HYCC1: variants seen among roughly 807,000 people sequenced by gnomAD.
HYCC1 encodes the protein hyccin PI4KA lipid kinase complex subunit 1.
chr7:22,921,807 T>C, the HYCC1 span, among the ~76,000 whole-genome samples: 2 of 152,190 alleles, frequency 1.3e-5, no homozygotes, highest in African/African-American at 2.4e-5. Context: ...TCACATTCAA[T>C]TGAGAAACCT....
At chr7:22,950,827 T>A in the HYCC1 span, among the ~76,000 whole-genome samples, 1 of 151,734 alleles carries the variant, frequency 6.6e-6, no homozygotes, top group African/African-American at 2.4e-5. Flanking sequence ...CATAATAAAA[T>A]AGATTTTGTT....
chr7:22,977,363 G>A, the HYCC1 span: 1 of 1,595,280 alleles, frequency 6.3e-7, no homozygotes, highest in Non-Finnish European at 8.6e-7. Flanking sequence ...AGATGGTTTG[G>A]ATAAAGATGG....
the HYCC1 span, among the ~76,000 whole-genome samples, chr7:23,004,441 A>G: frequency 2.0e-5 from 3 of 152,230 alleles, no homozygotes; most frequent in Non-Finnish European, 2.9e-5. Context: ...CATGGAGAGC[A>G]TCTGCTTTAA....
At chr7:22,943,083 T>C in the HYCC1 span, 1 of 152,150 alleles carries the variant, frequency 6.6e-6, no homozygotes, top group Non-Finnish European at 1.5e-5. Context: ...CTTTTCACAC[T>C]TAAAATTTCA....
the HYCC1 span, chr7:22,941,186 C>A: frequency 6.6e-6 from 1 of 152,220 alleles, no homozygotes; most frequent in South Asian, 2.1e-4. Context: ...CTCCTTTATT[C>A]TCTTCCTTCA....
chr7:22,950,636 T>G, the HYCC1 span, among the ~76,000 whole-genome samples: 1 of 151,986 alleles, frequency 6.6e-6, no homozygotes, highest in Non-Finnish European at 1.5e-5. Flanking sequence ...CTCTTTGTTT[T>G]GGAAAAGTGA....
chr7:22,964,017 T>A, the HYCC1 span, among the ~76,000 whole-genome samples: 6 of 151,804 alleles, frequency 4.0e-5, no homozygotes, highest in Non-Finnish European at 7.4e-5. Flanking sequence ...CTATTTCTAA[T>A]CAAAGAGGCT....
the HYCC1 span, among the ~76,000 whole-genome samples, chr7:22,987,991 G>A: frequency 6.6e-6 from 1 of 152,162 alleles, no homozygotes; most frequent in Admixed American, 6.5e-5. Flanking sequence ...GATTTCAAGA[G>A]ATACGTTACT....
the HYCC1 span, among the ~76,000 whole-genome samples, chr7:22,930,375 TAAAAAGAAAAAGAAAAAG>T: frequency 4.7e-5 from 4 of 84,254 alleles, no homozygotes; most frequent in East Asian, 8.9e-4. Context: ...AGAAACAAAG[TAAAAAGAAAAAGAAAAAG>T]AAAAAAAAAA....
At chr7:23,011,862 C>T in the HYCC1 span, among the ~76,000 whole-genome samples, 16 of 152,176 alleles carry the variant, frequency 1.1e-4, no homozygotes, top group African/African-American at 3.6e-4. Context: ...TCATATCATC[C>T]TTCACAACTT....
chr7:22,937,353 T>C, the HYCC1 span: 1 of 152,210 alleles, frequency 6.6e-6, no homozygotes, highest in Non-Finnish European at 1.5e-5. Flanking sequence ...AGGCCTTTCC[T>C]ACGTTGTTTT....
the HYCC1 span, among the ~76,000 whole-genome samples, chr7:22,981,655 G>T: frequency 1.3e-5 from 2 of 152,054 alleles, no homozygotes; most frequent in Admixed American, 1.3e-4. Flanking sequence ...TCCACAAACT[G>T]TTATCAATCT....
the HYCC1 span, chr7:22,976,194 T>C: frequency 2.0e-6 from 3 of 1,504,966 alleles, no homozygotes; most frequent in Non-Finnish European, 2.8e-6. Context: ...TTAGAAGCAC[T>C]TGAATTTTAC....
chr7:22,984,698 G>A, the HYCC1 span, among the ~76,000 whole-genome samples: 1 of 152,146 alleles, frequency 6.6e-6, no homozygotes, highest in Non-Finnish European at 1.5e-5. Flanking sequence ...CTCCAGCCTG[G>A]GTAACAGAAT....
chr7:22,992,175 C>A, the HYCC1 span, among the ~76,000 whole-genome samples: 5 of 151,882 alleles, frequency 3.3e-5, no homozygotes, highest in Admixed American at 2.0e-4. Context: ...CAGCTGTCTA[C>A]GAAAGTATCC....
At chr7:23,007,690 T>C in the HYCC1 span, among the ~76,000 whole-genome samples, 2 of 152,098 alleles carry the variant, frequency 1.3e-5, no homozygotes, top group African/African-American at 2.4e-5. Flanking sequence ...ATACTAAAGA[T>C]CAATCTCATA....
At chr7:23,004,537 A>G in the HYCC1 span, among the ~76,000 whole-genome samples, 7,731 of 152,202 alleles carry the variant, frequency 0.051, 225 homozygotes, top group Non-Finnish European at 0.055. Flanking sequence ...GACATATTTG[A>G]TGTTCTCATA....
chr7:22,928,499 A>C, the HYCC1 span, among the ~76,000 whole-genome samples: 5 of 152,244 alleles, frequency 3.3e-5, no homozygotes, highest in African/African-American at 9.6e-5. Context: ...CTCAGGATAC[A>C]AAATCAATGT....
the HYCC1 span, chr7:22,946,240 G>A: frequency 8.7e-7 from 1 of 1,149,868 alleles, no homozygotes; most frequent in Non-Finnish European, 1.3e-6. Context: ...CACCAAATCA[G>A]TTATGCTTTA....
Sources: gnomAD v4.1 joint callset for allele counts (sites outside exome capture counted in the v4.1 genomes callset) on GRCh38, gnomAD v4.1.1 for gene constraint, MANE v1.5 for transcripts, NCBI Gene and HGNC (gene_info 2026-07-23, HGNC 2026-07-21) for gene names.